Variants in ARL15 observed in about 807,000 individuals in gnomAD.
The protein encoded by ARL15 is ARF like GTPase 15.
In ARL15, 19 loss-of-function variants were observed where a neutral mutation model predicts 25.2. The ratio of observed to expected loss-of-function variants is 0.75; its 90% CI spans 0.53 to 1.10. ARL15 has a LOEUF of 1.10. ARL15 is among the 50% of genes least tolerant of loss of function. The pLI, the probability that ARL15 is intolerant of heterozygous loss-of-function variation, is 0.00. For missense variants in ARL15, 220 were observed against 246.0 expected (o/e 0.89, Z 0.71); for synonymous variants, 94 against 86.8 (o/e 1.08, Z -0.46).
At chr5:54,140,337 C>G (rs1753732429) in intron 3 of ARL15, among the ~76,000 whole-genome samples, 1 of 151,506 alleles carries the variant, frequency 6.6e-6, no homozygotes, top group Non-Finnish European at 1.5e-5. Context: ...ATGGTAATCC[C>G]ACTACCAGCT....
chr5:54,077,014 G>T (rs936393231), intron 4 of ARL15, among the ~76,000 whole-genome samples: 1 of 152,090 alleles, frequency 6.6e-6, no homozygotes, highest in African/African-American at 2.4e-5. Flanking sequence ...TGCTACGCAG[G>T]ATGTTTCAAG....
chr5:53,940,120 A>G (rs1746493046), intron 4 of ARL15, among the ~76,000 whole-genome samples: 1 of 151,916 alleles, frequency 6.6e-6, no homozygotes, highest in African/African-American at 2.4e-5. Flanking sequence ...CTGGGACTAC[A>G]GGTGCCTGCC....
At chr5:54,141,639 T>C (rs1753783996) in intron 3 of ARL15, among the ~76,000 whole-genome samples, 1 of 152,198 alleles carries the variant, frequency 6.6e-6, no homozygotes, top group Admixed American at 6.5e-5. Context: ...ACAATCAAGA[T>C]AATAAGTATA....
chr5:54,191,221 A>C (rs553638322), intron 1 of ARL15, among the ~76,000 whole-genome samples: 2 of 152,330 alleles, frequency 1.3e-5, no homozygotes, highest in East Asian at 3.9e-4. Flanking sequence ...TAAAAAAGAC[A>C]AACACAGTTT....
chr5:53,927,247 A>G (rs1746059671), intron 4 of ARL15, among the ~76,000 whole-genome samples: 1 of 152,094 alleles, frequency 6.6e-6, no homozygotes, highest in Non-Finnish European at 1.5e-5. Flanking sequence ...CATCAGCTTC[A>G]TGTTTCTGAA....
At chr5:54,123,551 A>G (rs1753156154) in intron 3 of ARL15, among the ~76,000 whole-genome samples, 1 of 152,212 alleles carries the variant, frequency 6.6e-6, no homozygotes, top group Admixed American at 6.5e-5. Flanking sequence ...TGCTAGTAAC[A>G]TGATCATCCT....
chr5:53,963,848 C>CAT (rs1229333699), intron 4 of ARL15, among the ~76,000 whole-genome samples: 1 of 134,192 alleles, frequency 7.5e-6, no homozygotes, highest in African/African-American at 2.7e-5. Context: ...CACACACACA[C>CAT]ATACACAGAG....
chr5:54,262,817 G>A (rs138353093), intron 1 of ARL15, among the ~76,000 whole-genome samples: 1,596 of 151,458 alleles, frequency 0.011, 19 homozygotes, highest in Non-Finnish European at 0.012. Context: ...TCTTTCTTTC[G>A]TATTAAAGGT....
At chr5:53,968,730 C>T (rs999702752) in intron 4 of ARL15, among the ~76,000 whole-genome samples, 3 of 151,204 alleles carry the variant, frequency 2.0e-5, no homozygotes, top group Non-Finnish European at 2.9e-5. Context: ...AGGCTGGTCT[C>T]GAACTATTGA....
chr5:53,927,663 T>C (rs570233292), intron 4 of ARL15, among the ~76,000 whole-genome samples: 1 of 152,242 alleles, frequency 6.6e-6, no homozygotes, highest in African/African-American at 2.4e-5. Flanking sequence ...TGAAAAATGG[T>C]ATGGACAAGG....
At chr5:54,025,779 T>C (rs1486605408) in intron 4 of ARL15, among the ~76,000 whole-genome samples, 2 of 152,224 alleles carry the variant, frequency 1.3e-5, no homozygotes, top group Non-Finnish European at 2.9e-5. Flanking sequence ...TACTAGAGCA[T>C]CATCTTATAA....
intron 4 of ARL15, among the ~76,000 whole-genome samples, chr5:54,091,492 C>G (rs1254857886): frequency 1.3e-5 from 2 of 152,118 alleles, no homozygotes; most frequent in East Asian, 3.9e-4. Flanking sequence ...GGGCACTGCT[C>G]ATATGCAGTA....
At chr5:54,198,456 T>C (rs1050244199) in intron 1 of ARL15, among the ~76,000 whole-genome samples, 1 of 150,616 alleles carries the variant, frequency 6.6e-6, no homozygotes, top group Non-Finnish European at 1.5e-5. Flanking sequence ...AGTCTCAGGA[T>C]ACAAAATCAA....
At chr5:54,268,106 A>G in intron 1 of ARL15, among the ~76,000 whole-genome samples, 1 of 147,904 alleles carries the variant, frequency 6.8e-6, no homozygotes, top group Admixed American at 6.8e-5. Flanking sequence ...CAGGTACACC[A>G]ATCAGACGTA....
rs1758117962 is a variant in ARL15 at position 54,283,727 on chromosome 5, A to G, written c.48+26705T>C. ...GAATGACTGAACAACTCTCTGAGTA[A>G]GCTGGAAAAGTTATCTTCCCCAACT... is the stretch of plus-strand genomic sequence containing the variant. On this transcript the variant is annotated intron_variant, in intron 1 of 4. Transcript: ENST00000504924. Among the ~76,000 whole-genome samples the G allele has an allele frequency of 2.0e-5, 3 of 152,328 alleles. No homozygotes were observed. The South Asian group carries it at 6.2e-4, about 32-fold the overall frequency.
At chr5:54,193,892 T>C (rs1434493842) in intron 1 of ARL15, among the ~76,000 whole-genome samples, 2 of 152,126 alleles carry the variant, frequency 1.3e-5, no homozygotes, top group Non-Finnish European at 2.9e-5. Context: ...CTTAAAAAGC[T>C]TGGTTGAATT....
At chr5:54,052,737 G>GCACA (rs370469983) in intron 4 of ARL15, among the ~76,000 whole-genome samples, 13 of 151,234 alleles carry the variant, frequency 8.6e-5, no homozygotes, top group African/African-American at 2.9e-4. Context: ...ACATGGGCCA[G>GCACA]CACACACACA....
chr5:54,244,441 A>C (rs1408674026), intron 1 of ARL15, among the ~76,000 whole-genome samples: 1 of 152,204 alleles, frequency 6.6e-6, no homozygotes, highest in East Asian at 1.9e-4. Context: ...TACTGAACAA[A>C]ATGAATGTAT....
rs182523415 is a variant in ARL15, at chr5:54,011,191, A to C, written c.462+102011T>G. On this transcript the variant is annotated intron_variant, in intron 4 of 4. Transcript: ENST00000504924. ...AGTGTAGTTTCACAGAAGTTGGCAT[A>C]TAAGGAATTCAACCTTTAGAAATAT... Among the ~76,000 whole-genome samples, 132 of 150,604 alleles carry C rather than the reference A, an allele frequency of 8.8e-4. 6 individuals carry two copies. The East Asian group carries it at 0.014, about 16-fold the overall frequency.
Sources: gnomAD v4.1 joint callset for allele counts (sites outside exome capture counted in the v4.1 genomes callset) on GRCh38, gnomAD v4.1.1 for gene constraint, MANE v1.5 for transcripts, NCBI Gene and HGNC (gene_info 2026-07-23, HGNC 2026-07-21) for gene names.